DCDC2: variants seen among roughly 807,000 people sequenced by gnomAD.
DCDC2 encodes doublecortin domain containing 2.
Under a neutral mutation model 50.2 loss-of-function variants are expected in DCDC2, and 40 were observed. That is an observed-to-expected ratio of 0.80 (90% CI 0.62 to 1.04). The LOEUF is 1.04. DCDC2 is among the 50% of genes least tolerant of loss of function. The pLI, the probability that DCDC2 is intolerant of heterozygous loss-of-function variation, is 0.00. For synonymous variants in DCDC2, 234 were observed against 210.6 expected (o/e 1.11, Z -0.96); for missense variants, 570 against 581.9 (o/e 0.98, Z 0.21).
At chr6:24,184,644 T>C (rs1340417964) in intron 8 of DCDC2, among the ~76,000 whole-genome samples, 2 of 152,140 alleles carry the variant, frequency 1.3e-5, no homozygotes, top group Non-Finnish European at 2.9e-5. Context: ...TCACTGACTT[T>C]TGGTGTGATC....
chr6:24,288,756 G>A (rs1056229177), intron 6 of DCDC2, 96 bp downstream of exon 6: 1 of 1,175,152 alleles, frequency 8.5e-7, no homozygotes, highest in Non-Finnish European at 1.3e-6. Context: ...AAGCGGCTAA[G>A]TTTTATCTCT....
chr6:24,181,970 T>A (rs77234360), intron 8 of DCDC2, among the ~76,000 whole-genome samples: 1 of 152,118 alleles, frequency 6.6e-6, no homozygotes, highest in African/African-American at 2.4e-5. Flanking sequence ...GACAGATATA[T>A]AGACCAATGG....
At chr6:24,352,886 T>C (rs533071724) in intron 2 of DCDC2, among the ~76,000 whole-genome samples, 31 of 152,336 alleles carry the variant, frequency 2.0e-4, no homozygotes, top group African/African-American at 7.0e-4. Context: ...ACTACAATTT[T>C]CCCTGTCTCA....
At chr6:24,363,655 G>A in the DCDC2 span, among the ~76,000 whole-genome samples, 1 of 152,254 alleles carries the variant, frequency 6.6e-6, no homozygotes, top group South Asian at 2.1e-4. Context: ...TGCACCCTAG[G>A]TTTATAAGGG....
chr6:24,213,557 T>C (rs1022134503), intron 7 of DCDC2, among the ~76,000 whole-genome samples: 1 of 152,188 alleles, frequency 6.6e-6, no homozygotes, highest in African/African-American at 2.4e-5. Flanking sequence ...GAAGGTGATA[T>C]AAAAATAATT....
At chr6:24,265,537 CA>C (rs139215810) in intron 7 of DCDC2, among the ~76,000 whole-genome samples, 13,909 of 151,650 alleles carry the variant, frequency 0.092, 733 homozygotes, top group Middle Eastern at 0.14. Context: ...TAAAAAAACT[CA>C]AAAAAAATTG....
rs543254200 is a variant in DCDC2 at position 24,291,235 on chromosome 6, T to C, written c.558-157A>G. 5.9e-5 allele frequency among the ~76,000 whole-genome samples: 9 copies of C among 152,362 alleles called. No individual in the cohort carries two copies. In the East Asian group the frequency reaches 1.7e-3, roughly 29 times the overall value. On this transcript the variant is annotated intron_variant, in intron 4 of 9. Coordinates refer to ENST00000378454, the MANE Select transcript of DCDC2 (RefSeq NM_016356.5). ...AGCTCATTTGTTACTATCCTCATTA[T>C]TGCATTATAGATGCCTCAAAGTTAT...
intron 2 of DCDC2, among the ~76,000 whole-genome samples, chr6:24,304,398 G>A (rs1382594116): frequency 1.3e-5 from 2 of 152,158 alleles, no homozygotes; most frequent in Non-Finnish European, 2.9e-5. Flanking sequence ...CATGAGAATT[G>A]CTTGAAACCG....
chr6:24,275,550 A>T (rs759603226), intron 7 of DCDC2, among the ~76,000 whole-genome samples: 1 of 152,168 alleles, frequency 6.6e-6, no homozygotes, highest in Admixed American at 6.5e-5. Context: ...AGGAAAAAAA[A>T]ATTCATTCCC....
chr6:24,273,665 T>C (rs1208003075), intron 7 of DCDC2, among the ~76,000 whole-genome samples: 1 of 152,252 alleles, frequency 6.6e-6, no homozygotes, highest in Non-Finnish European at 1.5e-5. Context: ...TCAGAGTCTC[T>C]TGTTACTGGG....
At chr6:24,329,619 C>A (rs1382645372) in intron 2 of DCDC2, among the ~76,000 whole-genome samples, 1 of 152,144 alleles carries the variant, frequency 6.6e-6, no homozygotes, top group Non-Finnish European at 1.5e-5. Context: ...GGAGTTAGAA[C>A]CAAGCTACCC....
At chr6:24,207,256 T>TCTCTCTC (rs1761735602) in intron 7 of DCDC2, among the ~76,000 whole-genome samples, 3 of 129,606 alleles carry the variant, frequency 2.3e-5, no homozygotes, top group Admixed American at 7.7e-5. Context: ...CCATCTATCT[T>TCTCTCTC]TCTCTCTCTC....
intron 1 of DCDC2, among the ~76,000 whole-genome samples, chr6:24,355,468 T>C (rs1354259131): frequency 1.3e-5 from 2 of 152,214 alleles, no homozygotes; most frequent in African/African-American, 2.4e-5. Context: ...GTGTCTTATA[T>C]TTATGTAACA....
At chr6:24,223,386 A>T (rs1474185649) in intron 7 of DCDC2, among the ~76,000 whole-genome samples, 1 of 152,206 alleles carries the variant, frequency 6.6e-6, no homozygotes, top group Non-Finnish European at 1.5e-5. Context: ...CTACGCAAAC[A>T]TGAAGAGCGC....
chr6:24,244,520 T>C (rs1762630100), intron 7 of DCDC2, among the ~76,000 whole-genome samples: 1 of 152,190 alleles, frequency 6.6e-6, no homozygotes, highest in Non-Finnish European at 1.5e-5. Context: ...AATGTCACGG[T>C]GTTCAGTGAG....
chr6:24,284,481 G>A (rs909397841), intron 6 of DCDC2, among the ~76,000 whole-genome samples: 15 of 151,646 alleles, frequency 9.9e-5, no homozygotes, highest in African/African-American at 2.9e-4. Context: ...GCATGGTGGC[G>A]GGCGCCTGTA....
At chr6:24,333,193 C>T (rs891964529) in intron 2 of DCDC2, among the ~76,000 whole-genome samples, 1 of 152,120 alleles carries the variant, frequency 6.6e-6, no homozygotes, top group African/African-American at 2.4e-5. Flanking sequence ...GAAGAAAGGC[C>T]AGAAGTCATG....
At chr6:24,200,570 A>C (rs1249235863) in intron 8 of DCDC2, among the ~76,000 whole-genome samples, 2 of 152,226 alleles carry the variant, frequency 1.3e-5, no homozygotes, top group Non-Finnish European at 1.5e-5. Context: ...AATTGTAAAG[A>C]CCATCGACAC....
chr6:24,194,358 G>A (rs190094312), intron 8 of DCDC2, among the ~76,000 whole-genome samples: 28 of 152,182 alleles, frequency 1.8e-4, no homozygotes, highest in Admixed American at 1.2e-3. Context: ...TGGGTTAAAT[G>A]CTATTTAATG....
Sources: allele counts gnomAD v4.1 joint callset (sites outside exome capture counted in the v4.1 genomes callset), GRCh38; gene constraint gnomAD v4.1.1; transcripts MANE v1.5; gene names NCBI Gene and HGNC (gene_info 2026-07-23, HGNC 2026-07-21).